RREB1: variants seen among roughly 807,000 people sequenced by gnomAD.
The protein encoded by RREB1 is ras-responsive element-binding protein 1.
In RREB1, 27 loss-of-function variants were observed where a neutral mutation model predicts 117.8. The ratio of observed to expected loss-of-function variants is 0.23; its 90% CI spans 0.17 to 0.32. The LOEUF is 0.32. RREB1 is among the 10% of genes least tolerant of loss of function. RREB1 has a pLI of 1.00. For synonymous variants in RREB1, 1,298 were observed against 1,026.7 expected (o/e 1.26, Z -5.05); for missense variants, 2,577 against 2,378.2 (o/e 1.08, Z -1.74).
chr6:7,128,405 T>C (rs529389553), intron 1 of RREB1, among the ~76,000 whole-genome samples: 17 of 152,040 alleles, frequency 1.1e-4, no homozygotes, highest in Non-Finnish European at 2.2e-4. Context: ...AGTGCTGCTT[T>C]TAGTGGGTTC....
intron 6 of RREB1, among the ~76,000 whole-genome samples, chr6:7,203,493 T>TGAGGTAGGA (rs1272441339): frequency 1.3e-5 from 2 of 152,154 alleles, no homozygotes; most frequent in African/African-American, 4.8e-5. Flanking sequence ...CTCCAAATAC[T>TGAGGTAGGA]GCCAAGGAAC....
rs114499348 is a variant in RREB1 at position 7,120,728 on chromosome 6, C to A, written c.-285+12668C>A. ...GCTCTGTCAACAGGGTGGAGTGCAG[C>A]CTCGACCTCGTGGGCCCAAGTGATC... On this transcript the variant is annotated intron_variant, in intron 1 of 12. Transcript: ENST00000379938. Among the ~76,000 whole-genome samples, 786 of 151,480 alleles carry A rather than the reference C, an allele frequency of 5.2e-3. 7 individuals are homozygous for A. The highest frequency in any genetic ancestry group is 0.018 in the African/African-American group (748 of 41,254).
chr6:7,165,104 TATCC>T (rs1427290887), intron 1 of RREB1, among the ~76,000 whole-genome samples: 1 of 152,266 alleles, frequency 6.6e-6, no homozygotes, highest in Non-Finnish European at 1.5e-5. Context: ...CAAGGAGTGC[TATCC>T]GTTGGACTTG....
chr6:7,115,232 G>A (rs778844967), intron 1 of RREB1, among the ~76,000 whole-genome samples: 2 of 152,076 alleles, frequency 1.3e-5, no homozygotes, highest in Admixed American at 6.6e-5. Flanking sequence ...GGGATGCAGG[G>A]TAGGAGGCGG....
In RREB1 at chr6:7,247,053, G is replaced by A. The variant is rs1467742398; in HGVS notation, c.4603G>A (p.Ala1535Thr). The A allele has an allele frequency of 1.2e-6, 2 of 1,613,354 alleles. No homozygotes were observed. The highest frequency in any genetic ancestry group is 8.5e-7 in the Non-Finnish European group (1 of 1,179,834). Residue 1535 changes from alanine (A) to threonine (T), a missense_variant, in exon 12 of 13, where the codon GCG becomes ACG. Physicochemically the swap from Ala to Thr is moderately conservative, Grantham distance 58. Transcript: ENST00000379938. Reference protein sequence around the residue: ...ETEGPSDGESAAEKRSSEKSD... With the variant: ...ETEGPSDGESTAEKRSSEKSD... ...GGAGGGCCCCTCCGACGGGGAGAGCGCGGCCGAGAAAAGGTCCTCAGAGAA... is the reference window on the plus strand; with the variant it reads ...GGAGGGCCCCTCCGACGGGGAGAGCACGGCCGAGAAAAGGTCCTCAGAGAA...
intron 9 of RREB1, among the ~76,000 whole-genome samples, chr6:7,228,624 A>G (rs554972320): frequency 1.1e-4 from 16 of 147,134 alleles, no homozygotes; most frequent in Non-Finnish European, 2.1e-4. Flanking sequence ...TTCCTGCCTT[A>G]GCCTCCCAAT....
chr6:7,200,242 A>ATGTGTGTGTGTGTG (rs762239284), intron 6 of RREB1, among the ~76,000 whole-genome samples: 9 of 104,420 alleles, frequency 8.6e-5, no homozygotes, highest in Non-Finnish European at 1.8e-4. Context: ...GTATGTGTGT[A>ATGTGTGTGTGTGTG]TATGTGTGTG....
intron 10 of RREB1, among the ~76,000 whole-genome samples, chr6:7,234,301 C>T (rs1768175190): frequency 6.6e-6 from 1 of 152,140 alleles, no homozygotes; most frequent in African/African-American, 2.4e-5. Context: ...CTTTCTGTTA[C>T]CACTTTTCAG....
chr6:7,145,527 CGAA>C (rs892342977), intron 1 of RREB1, among the ~76,000 whole-genome samples: 10 of 151,976 alleles, frequency 6.6e-5, no homozygotes, highest in Admixed American at 1.3e-4. Context: ...TAATGTCAAC[CGAA>C]GAAGAAGAAG....
chr6:7,216,337 T>A (rs1581551343), intron 8 of RREB1: 1 of 152,218 alleles, frequency 6.6e-6, no homozygotes, highest in East Asian at 1.9e-4. Context: ...GAGGCTGTGG[T>A]GCTTCACTTA....
chr6:7,141,473 G>GC (rs952676216), intron 1 of RREB1, among the ~76,000 whole-genome samples: 59 of 151,858 alleles, frequency 3.9e-4, no homozygotes, highest in Admixed American at 8.5e-4. Context: ...ACCCGTGCCC[G>GC]CCCCCCCGCC....
intron 1 of RREB1, among the ~76,000 whole-genome samples, chr6:7,116,363 A>G (rs1273963889): frequency 6.6e-6 from 1 of 151,930 alleles, no homozygotes; most frequent in Non-Finnish European, 1.5e-5. Flanking sequence ...TTTTTTCAAG[A>G]CCCAGCTTAA....
chr6:7,123,414 A>C (rs997176414), intron 1 of RREB1, among the ~76,000 whole-genome samples: 1 of 152,080 alleles, frequency 6.6e-6, no homozygotes, highest in Non-Finnish European at 1.5e-5. Flanking sequence ...CGCCCGTCTC[A>C]GCCTCCCGAA....
At position 7,231,926 on chromosome 6, in the gene RREB1, T is replaced by C. The variant is rs1042292173; in HGVS notation, c.3808+19T>C. 7 of 1,559,614 alleles carry C rather than the reference T, an allele frequency of 4.5e-6. No homozygotes were observed. The highest frequency in any genetic ancestry group is 1.7e-4 in the Middle Eastern group (1 of 5,808). On this transcript the variant is annotated intron_variant, in intron 10 of 12. Transcript: ENST00000379938. ...CACACTGGTAAGAGGGCCACCGGGC[T>C]CCCAGGCAGTGAGTCCTACTTCCTG...
intron 1 of RREB1, among the ~76,000 whole-genome samples, chr6:7,172,699 TG>T (rs1561759575): frequency 9.1e-6 from 1 of 109,596 alleles, no homozygotes; most frequent in Non-Finnish European, 2.0e-5. Flanking sequence ...TGTGGGGGGG[TG>T]GGGGTGACTT....
intron 1 of RREB1, among the ~76,000 whole-genome samples, chr6:7,160,614 A>G (rs923415206): frequency 2.0e-5 from 3 of 151,942 alleles, no homozygotes; most frequent in South Asian, 2.1e-4. Context: ...AGCTCAAACA[A>G]TCCTCCCGGT....
chr6:7,118,926 A>T (rs921903718), intron 1 of RREB1, among the ~76,000 whole-genome samples: 3 of 148,686 alleles, frequency 2.0e-5, no homozygotes, highest in African/African-American at 7.5e-5. Flanking sequence ...TGGGATTACA[A>T]GCGTGAGCCA....
At chr6:7,197,798 G>A (rs1391070530) in intron 6 of RREB1, among the ~76,000 whole-genome samples, 2 of 152,176 alleles carry the variant, frequency 1.3e-5, no homozygotes, top group Non-Finnish European at 2.9e-5. Context: ...CCCTGAGGAT[G>A]CCCCTGGACA....
At chr6:7,155,974 A>G (rs1763344149) in intron 1 of RREB1, among the ~76,000 whole-genome samples, 1 of 152,222 alleles carries the variant, frequency 6.6e-6, no homozygotes, top group Admixed American at 6.5e-5. Context: ...GGTAGAAGAT[A>G]AAGATAGCAT....
Sources: gnomAD v4.1 joint callset for allele counts (sites outside exome capture counted in the v4.1 genomes callset) on GRCh38, gnomAD v4.1.1 for gene constraint, MANE v1.5 for transcripts, NCBI Gene and HGNC (gene_info 2026-07-23, HGNC 2026-07-21) for gene names.